The following PRKCE variants were observed in gnomAD, a reference collection of about 807,000 sequenced individuals.
The protein encoded by PRKCE is protein kinase C epsilon type.
A neutral mutation model predicts 85.4 loss-of-function variants in PRKCE; 16 were observed. That is an observed-to-expected ratio of 0.19 (90% CI 0.13 to 0.28). PRKCE has a LOEUF of 0.28. PRKCE is among the 10% of genes least tolerant of loss of function. The pLI, the probability that PRKCE is intolerant of heterozygous loss-of-function variation, is 1.00. For synonymous variants in PRKCE, 388 were observed against 371.5 expected, an observed-to-expected ratio of 1.04 and a Z score of -0.51; for missense variants, 573 against 975.2, an observed-to-expected ratio of 0.59 and a Z score of 5.49.
intron 1 of PRKCE, among the ~76,000 whole-genome samples, chr2:45,737,171 A>G (rs1349374648): frequency 1.3e-5 from 2 of 152,160 alleles, no homozygotes; most frequent in Admixed American, 6.5e-5. Context: ...CTTGAGACCA[A>G]ATGTTTCTCC....
chr2:45,986,274 G>T (rs1374822117), intron 6 of PRKCE, among the ~76,000 whole-genome samples: 1 of 152,250 alleles, frequency 6.6e-6, no homozygotes, highest in East Asian at 1.9e-4. Context: ...GGGACAGTGG[G>T]ATGGAGCCCA....
chr2:46,173,706 C>G (rs1270356145), intron 14 of PRKCE, among the ~76,000 whole-genome samples: 1 of 152,182 alleles, frequency 6.6e-6, no homozygotes, highest in African/African-American at 2.4e-5. Flanking sequence ...AGTTTGGTGG[C>G]AACTTCTTTA....
intron 1 of PRKCE, among the ~76,000 whole-genome samples, chr2:45,811,508 C>A (rs535077454): frequency 6.6e-6 from 1 of 152,286 alleles, no homozygotes; most frequent in East Asian, 1.9e-4. Flanking sequence ...AGGGGCCAGA[C>A]AAAAGAGGGA....
chr2:45,703,023 C>CCA (rs367991692), intron 1 of PRKCE, among the ~76,000 whole-genome samples: 12 of 150,678 alleles, frequency 8.0e-5, no homozygotes, highest in Admixed American at 4.0e-4. Flanking sequence ...GCCTTTTTTC[C>CCA]CCCCCCGTCA....
chr2:45,757,424 T>C (rs1684106615), intron 1 of PRKCE, among the ~76,000 whole-genome samples: 1 of 152,008 alleles, frequency 6.6e-6, no homozygotes, highest in African/African-American at 2.4e-5. Context: ...CCCAATACTT[T>C]TGGAGGCCAA....
At chr2:45,828,803 G>A (rs1004593637) in intron 1 of PRKCE, among the ~76,000 whole-genome samples, 1 of 151,938 alleles carries the variant, frequency 6.6e-6, no homozygotes, top group Admixed American at 6.6e-5. Flanking sequence ...ATAGTAGAAG[G>A]TAGAAGAAAA....
chr2:45,887,867 G>A (rs1171638441), intron 2 of PRKCE, among the ~76,000 whole-genome samples: 4 of 152,190 alleles, frequency 2.6e-5, no homozygotes, highest in African/African-American at 9.7e-5. Flanking sequence ...TTTCACAAAA[G>A]CACATCTAAC....
chr2:45,741,288 G>C (rs1682545322), intron 1 of PRKCE, among the ~76,000 whole-genome samples: 1 of 152,218 alleles, frequency 6.6e-6, no homozygotes, highest in Non-Finnish European at 1.5e-5. Flanking sequence ...TTGAACAGCT[G>C]TAACAAAGTT....
intron 6 of PRKCE, among the ~76,000 whole-genome samples, chr2:45,988,066 G>C (rs531265021): frequency 1.3e-5 from 2 of 152,316 alleles, no homozygotes; most frequent in African/African-American, 4.8e-5. Context: ...CCTGGCTTTG[G>C]CAGGTGCCCT....
intron 2 of PRKCE, among the ~76,000 whole-genome samples, chr2:45,952,268 G>A (rs1700673812): frequency 6.6e-6 from 1 of 152,306 alleles, no homozygotes; most frequent in Non-Finnish European, 1.5e-5. Flanking sequence ...GTCGGCAAAA[G>A]AGCCCAGGCC....
intron 10 of PRKCE, among the ~76,000 whole-genome samples, chr2:46,026,134 A>T (rs1483543444): frequency 6.6e-6 from 1 of 152,262 alleles, no homozygotes; most frequent in African/African-American, 2.4e-5. Flanking sequence ...TGAAATGCAG[A>T]TATTCAAATA....
chr2:46,073,638 G>A (rs542063306), intron 10 of PRKCE: 52 of 152,164 alleles, frequency 3.4e-4, no homozygotes, highest in Admixed American at 2.7e-3. Flanking sequence ...CAGCAGGAGC[G>A]GTTGCTTCCT....
chr2:46,056,568 G>A (rs1175733423), intron 10 of PRKCE, among the ~76,000 whole-genome samples: 2 of 152,178 alleles, frequency 1.3e-5, no homozygotes, highest in East Asian at 1.9e-4. Flanking sequence ...TCAGCAATTA[G>A]CGAATTAAGA....
chr2:45,902,617 T>C (rs113257694), intron 2 of PRKCE, among the ~76,000 whole-genome samples: 309 of 152,054 alleles, frequency 2.0e-3, no homozygotes, highest in African/African-American at 7.1e-3. Flanking sequence ...GTCAGGGAAG[T>C]TCTTGGAGCT....
At chr2:46,149,702 T>C (rs1465147172) in intron 12 of PRKCE, among the ~76,000 whole-genome samples, 1 of 145,516 alleles carries the variant, frequency 6.9e-6, no homozygotes, top group African/African-American at 2.5e-5. Flanking sequence ...TCCATATATA[T>C]ATATATGTAT....
intron 1 of PRKCE, among the ~76,000 whole-genome samples, chr2:45,767,088 C>T (rs1350493498): frequency 6.6e-6 from 1 of 151,756 alleles, no homozygotes; most frequent in Non-Finnish European, 1.5e-5. Context: ...GGAAAAATGG[C>T]ACGGTCATGT....
At chr2:46,096,467 C>A (rs1390134030) in intron 11 of PRKCE, among the ~76,000 whole-genome samples, 1 of 152,040 alleles carries the variant, frequency 6.6e-6, no homozygotes, top group Non-Finnish European at 1.5e-5. Flanking sequence ...GGAGATAGGG[C>A]CTTTAAAGAG....
chr2:45,967,605 A>C (rs1395587381), intron 2 of PRKCE, among the ~76,000 whole-genome samples: 1 of 152,242 alleles, frequency 6.6e-6, no homozygotes, highest in African/African-American at 2.4e-5. Flanking sequence ...TCAGGAATCA[A>C]ATAATATTGT....
At chr2:45,661,823 G>A (rs747001190) in intron 1 of PRKCE, among the ~76,000 whole-genome samples, 8 of 151,968 alleles carry the variant, frequency 5.3e-5, no homozygotes, top group Non-Finnish European at 1.0e-4. Context: ...ACAGGCGTGA[G>A]CTACTGTCCC....
Sources: gnomAD v4.1 joint callset for allele counts (sites outside exome capture counted in the v4.1 genomes callset) on GRCh38, gnomAD v4.1.1 for gene constraint, MANE v1.5 for transcripts, NCBI Gene and HGNC (gene_info 2026-07-23, HGNC 2026-07-21) for gene names.